Variants in AKAP19 observed in about 807,000 individuals in gnomAD.
AKAP19 encodes the protein A-kinase anchoring protein 19.
the AKAP19 span, among the ~76,000 whole-genome samples, chr2:189,891,356 TG>T: frequency 6.6e-6 from 1 of 150,570 alleles, no homozygotes; most frequent in East Asian, 2.0e-4. Flanking sequence ...CCCAAGTAGC[TG>T]GGACTACAGC....
the AKAP19 span, among the ~76,000 whole-genome samples, chr2:190,054,964 A>C: frequency 2.6e-5 from 4 of 152,214 alleles, no homozygotes; most frequent in African/African-American, 7.2e-5. Context: ...TTGATCCAGC[A>C]ATCCCATTAC....
chr2:189,983,612 C>G, the AKAP19 span, among the ~76,000 whole-genome samples: 188 of 152,360 alleles, frequency 1.2e-3, 2 homozygotes, highest in Middle Eastern at 0.01. Flanking sequence ...ATGATTGGTG[C>G]TGCACTTGCA....
the AKAP19 span, among the ~76,000 whole-genome samples, chr2:189,881,729 G>T: frequency 6.6e-6 from 1 of 152,144 alleles, no homozygotes; most frequent in Non-Finnish European, 1.5e-5. Context: ...ACATTATTTT[G>T]CAGTCTTGTA....
At chr2:190,013,448 T>G in the AKAP19 span, among the ~76,000 whole-genome samples, 2 of 152,018 alleles carry the variant, frequency 1.3e-5, no homozygotes, top group Non-Finnish European at 1.5e-5. Context: ...TTAGTTATAA[T>G]TTTTTTCTCT....
chr2:190,141,617 G>A, the AKAP19 span, among the ~76,000 whole-genome samples: 2 of 151,946 alleles, frequency 1.3e-5, no homozygotes, highest in Admixed American at 6.6e-5. Flanking sequence ...CAGCAGCATG[G>A]GGGTAACCAC....
At chr2:189,893,208 C>T in the AKAP19 span, among the ~76,000 whole-genome samples, 1 of 152,154 alleles carries the variant, frequency 6.6e-6, no homozygotes, top group Admixed American at 6.5e-5. Flanking sequence ...GGCTTCAGCC[C>T]CCTTTCCGGA....
the AKAP19 span, among the ~76,000 whole-genome samples, chr2:189,947,663 A>G: frequency 6.6e-6 from 1 of 151,392 alleles, no homozygotes; most frequent in Non-Finnish European, 1.5e-5. Context: ...GTTGTATATC[A>G]TCATCATTAT....
the AKAP19 span, among the ~76,000 whole-genome samples, chr2:189,993,759 T>C: frequency 6.6e-6 from 1 of 152,214 alleles, no homozygotes; most frequent in African/African-American, 2.4e-5. Flanking sequence ...TCCAGGAATT[T>C]ATACATCTCC....
the AKAP19 span, among the ~76,000 whole-genome samples, chr2:190,159,385 G>A: frequency 6.6e-6 from 1 of 152,154 alleles, no homozygotes; most frequent in Non-Finnish European, 1.5e-5. Flanking sequence ...CACTTACAAT[G>A]ATTATTTTGT....
chr2:189,989,098 T>C, the AKAP19 span, among the ~76,000 whole-genome samples: 2 of 152,240 alleles, frequency 1.3e-5, no homozygotes, highest in Non-Finnish European at 2.9e-5. Flanking sequence ...AAACATTTTG[T>C]TAGCCACTAT....
the AKAP19 span, among the ~76,000 whole-genome samples, chr2:190,007,726 T>C: frequency 7.4e-3 from 1,125 of 152,218 alleles, 16 homozygotes; most frequent in African/African-American, 0.026. Flanking sequence ...TTTGGGAGGC[T>C]GAGGTGGGTG....
the AKAP19 span, among the ~76,000 whole-genome samples, chr2:190,141,498 A>G: frequency 0.033 from 5,001 of 152,242 alleles, 271 homozygotes; most frequent in African/African-American, 0.11. Context: ...AGGAGAAGCA[A>G]ACACATCCTT....
the AKAP19 span, among the ~76,000 whole-genome samples, chr2:190,088,070 T>G: frequency 2.0e-5 from 3 of 152,142 alleles, no homozygotes; most frequent in African/African-American, 7.2e-5. Context: ...AAAGTATGTA[T>G]AGCTGATATT....
the AKAP19 span, chr2:190,202,935 T>C: frequency 6.0e-6 from 1 of 167,094 alleles, no homozygotes; most frequent in African/African-American, 2.4e-5. Flanking sequence ...TTCTCTACTT[T>C]TGTTGCCTTA....
the AKAP19 span, chr2:190,057,137 T>A: frequency 9.7e-7 from 1 of 1,028,462 alleles, no homozygotes; most frequent in East Asian, 2.5e-5. Flanking sequence ...CTGTAGCTTA[T>A]GCTTAAGTGA....
chr2:190,050,702 T>C, the AKAP19 span, among the ~76,000 whole-genome samples: 1 of 152,110 alleles, frequency 6.6e-6, no homozygotes, highest in East Asian at 1.9e-4. Flanking sequence ...TACAAAGAAA[T>C]AGTAAATAGA....
chr2:189,894,584 C>T, the AKAP19 span, among the ~76,000 whole-genome samples: 1 of 151,944 alleles, frequency 6.6e-6, no homozygotes, highest in Non-Finnish European at 1.5e-5. Flanking sequence ...TTCTCATGAC[C>T]ATATCAGACA....
chr2:189,940,015 C>T, the AKAP19 span, among the ~76,000 whole-genome samples: 5 of 151,734 alleles, frequency 3.3e-5, no homozygotes, highest in Non-Finnish European at 7.4e-5. Context: ...TGCGGTGGCT[C>T]ACGCCTGTAA....
the AKAP19 span, among the ~76,000 whole-genome samples, chr2:189,913,819 A>G: frequency 8.5e-5 from 13 of 152,250 alleles, no homozygotes; most frequent in East Asian, 2.5e-3. Flanking sequence ...AATTATAATT[A>G]GTTCAGGATG....
Sources: gnomAD v4.1 joint callset for allele counts (sites outside exome capture counted in the v4.1 genomes callset) on GRCh38, gnomAD v4.1.1 for gene constraint, MANE v1.5 for transcripts, NCBI Gene and HGNC (gene_info 2026-07-23, HGNC 2026-07-21) for gene names.